The following WASL variants were observed in gnomAD, a reference collection of about 807,000 sequenced individuals.
The protein encoded by WASL is actin nucleation-promoting factor WASL.
WASL carries 20 observed loss-of-function variants against 55.5 expected under a neutral mutation model. The observed-to-expected ratio is 0.36, with a 90% CI of 0.25 to 0.52. The LOEUF is 0.52. Among genes scored for constraint, WASL ranks in the 20% least tolerant of loss-of-function variants. The pLI is 0.92. For missense variants in WASL, 504 were observed against 622.5 expected, an observed-to-expected ratio of 0.81 and a Z score of 2.03; for synonymous variants, 249 against 217.6, an observed-to-expected ratio of 1.14 and a Z score of -1.27.
chr7:123,734,591 T>TAAAAAAAAAA (rs71161498), intron 1 of WASL, among the ~76,000 whole-genome samples: 7 of 92,330 alleles, frequency 7.6e-5, no homozygotes, highest in Non-Finnish European at 1.0e-4. Flanking sequence ...ATAGAAAATG[T>TAAAAAAAAAA]AAAAAAAAAA....
At position 123,733,913 on chromosome 7, in the gene WASL, C is replaced by CAA. The variant is rs33913069; in HGVS notation, c.117+14703_117+14704dup. 4.6e-3 allele frequency among the ~76,000 whole-genome samples: 506 copies of CAA among 110,762 alleles called. 5 individuals carry two copies. Among genetic ancestry groups the CAA allele is most frequent in the African/African-American group, 0.015 (445 of 28,754 alleles). 72.7% of individuals were successfully genotyped at this position (110,762 alleles called of 152,430 possible). ...GGTAAAAAGCTAGACATCCACGTGC[C>CAA]AAAAAAAAAAAAAAAAAAAAATCAA... is the stretch of plus-strand genomic sequence containing the variant. On this transcript the variant is annotated intron_variant, in intron 1 of 10. Transcript: ENST00000223023.
chr7:123,700,817 A>G (rs1463593065), intron 5 of WASL, among the ~76,000 whole-genome samples: 2 of 152,212 alleles, frequency 1.3e-5, no homozygotes, highest in African/African-American at 4.8e-5. Flanking sequence ...AAATGTCATA[A>G]TACATTCTTT....
rs186956133 is a variant in WASL, at chr7:123,728,023, G to A, written c.118-18800C>T. Among the ~76,000 whole-genome samples, 62 of 152,244 alleles carry A rather than the reference G, an allele frequency of 4.1e-4. No homozygotes were observed. In the East Asian group the frequency reaches 0.01, roughly 25 times the overall value. On this transcript the variant is annotated intron_variant, in intron 1 of 10. Coordinates refer to ENST00000223023, the MANE Select transcript of WASL (RefSeq NM_003941.4). ...GAAATGTACCTCACTTTACAAGGGA[G>A]ACAAGAAAGCTTAATTGTAAAATAT...
At chr7:123,694,992 T>A in intron 7 of WASL, 124 bp from the exon 8 acceptor site, 2 of 903,764 alleles carry the variant, frequency 2.2e-6, no homozygotes, top group Non-Finnish European at 3.3e-6. Context: ...ATATTACTTA[T>A]GTGCTAACTA....
At position 123,692,788 on chromosome 7, in the gene WASL, A is replaced by G; in HGVS notation, c.906T>C (p.Pro302=). Residue 302 remains proline (P), a synonymous_variant, in exon 9 of 11, where the codon CCT becomes CCC. Coordinates refer to ENST00000223023, the MANE Select transcript of WASL (RefSeq NM_003941.4). ...PPPHNSGPPP[P]PARGRGAPPP... ...GAGGAGCGCCTCTTCCCCTAGCAGG[A>G]GGAGGAGGAGGACCTGAGTTGTGTG... The G allele has an allele frequency of 2.0e-6, 3 of 1,471,414 alleles. No individual in the cohort carries two copies. Among genetic ancestry groups the G allele is most frequent in the African/African-American group, 1.4e-5 (1 of 70,602 alleles). 91.1% of individuals were successfully genotyped at this position (1,471,414 alleles called of 1,614,324 possible). A position where few individuals can be genotyped will look rare whatever the true frequency, so the allele number is the denominator to read the frequency against.
chr7:123,734,041 A>C (rs552598397), intron 1 of WASL, among the ~76,000 whole-genome samples: 1 of 152,298 alleles, frequency 6.6e-6, no homozygotes, highest in African/African-American at 2.4e-5. Context: ...GAGAACATAA[A>C]ACAAAACCTG....
At chr7:123,692,006 A>G (rs1434754761) in intron 9 of WASL, among the ~76,000 whole-genome samples, 2 of 152,208 alleles carry the variant, frequency 1.3e-5, no homozygotes, top group African/African-American at 4.8e-5. Flanking sequence ...TTCCATTCAC[A>G]TGAAGTTCTA....
At chr7:123,705,959 A>C (rs1361796477) in intron 4 of WASL, among the ~76,000 whole-genome samples, 2 of 152,184 alleles carry the variant, frequency 1.3e-5, no homozygotes, top group Non-Finnish European at 2.9e-5. Flanking sequence ...TCAACAAAAA[A>C]GGTTATTGTA....
intron 10 of WASL, 56 bp downstream of exon 10, chr7:123,688,984 AAC>A: frequency 7.2e-7 from 1 of 1,396,354 alleles, no homozygotes; most frequent in Non-Finnish European, 1.0e-6. Flanking sequence ...AAATTTATTA[AAC>A]ACACACGCAC....
At chr7:123,727,384 A>ACACACAC (rs1584870324) in intron 1 of WASL, among the ~76,000 whole-genome samples, 1 of 83,332 alleles carries the variant, frequency 1.2e-5, no homozygotes, top group Non-Finnish European at 2.5e-5. Flanking sequence ...CACACACACA[A>ACACACAC]ACTTATACAA....
chr7:123,695,485 GA>G (rs1803476229), intron 7 of WASL, among the ~76,000 whole-genome samples: 1 of 152,096 alleles, frequency 6.6e-6, no homozygotes, highest in Non-Finnish European at 1.5e-5. Flanking sequence ...TGAATATTCA[GA>G]ATTTGATTAT....
chr7:123,732,472 C>T (rs1043856378), intron 1 of WASL, among the ~76,000 whole-genome samples: 3 of 152,112 alleles, frequency 2.0e-5, no homozygotes, highest in African/African-American at 7.2e-5. Context: ...TGGGCCAATT[C>T]CTGGAAAGAC....
At chr7:123,703,606 A>G (rs1803623350) in intron 5 of WASL, among the ~76,000 whole-genome samples, 1 of 152,208 alleles carries the variant, frequency 6.6e-6, no homozygotes, top group African/African-American at 2.4e-5. Context: ...AAAAATTAAT[A>G]ATAAGGTAAA....
At chr7:123,727,521 T>C (rs1317916619) in intron 1 of WASL, among the ~76,000 whole-genome samples, 2 of 152,036 alleles carry the variant, frequency 1.3e-5, no homozygotes, top group Admixed American at 6.5e-5. Context: ...AAAAAAAGAA[T>C]GAACATGTGT....
intron 1 of WASL, among the ~76,000 whole-genome samples, chr7:123,739,912 G>GTATA (rs1198007262): frequency 1.1e-4 from 4 of 34,846 alleles, no homozygotes; most frequent in Admixed American, 2.5e-4. Context: ...GTGTGTGTGT[G>GTATA]TGTATATATA....
At chr7:123,716,278 C>T (rs563430836) in intron 1 of WASL, among the ~76,000 whole-genome samples, 39 of 152,170 alleles carry the variant, frequency 2.6e-4, no homozygotes, top group African/African-American at 7.5e-4. Context: ...TGCAATGGCA[C>T]GATCTTGGCT....
At position 123,739,914 on chromosome 7, in the gene WASL, G is replaced by GTA. The variant is rs201098513; in HGVS notation, c.117+8702_117+8703dup. Among the ~76,000 whole-genome samples, 148 of 33,086 alleles carry GTA rather than the reference G, an allele frequency of 4.5e-3. 1 individual carries two copies. Among genetic ancestry groups the GTA allele is most frequent in the South Asian group, 0.018 (6 of 336 alleles). 21.7% of individuals were successfully genotyped at this position (33,086 alleles called of 152,430 possible). ...TGTGTGTGTGTGTGTGTGTGTGTGT[G>GTA]TATATATATATATATATGCTGGTTT... On this transcript the variant is annotated intron_variant, in intron 1 of 10. Coordinates refer to ENST00000223023, the MANE Select transcript of WASL (RefSeq NM_003941.4).
chr7:123,691,005 C>T (rs1464693666), intron 9 of WASL, among the ~76,000 whole-genome samples: 2 of 152,020 alleles, frequency 1.3e-5, no homozygotes, highest in Non-Finnish European at 2.9e-5. Flanking sequence ...GATGACTGTT[C>T]ATAGGTTTAA....
chr7:123,739,559 T>C (rs543946244), intron 1 of WASL, among the ~76,000 whole-genome samples: 7 of 152,338 alleles, frequency 4.6e-5, no homozygotes, highest in African/African-American at 7.2e-5. Context: ...CACTTTATTA[T>C]AAAATGGGCT....
Sources: gnomAD v4.1 joint callset for allele counts (sites outside exome capture counted in the v4.1 genomes callset) on GRCh38, gnomAD v4.1.1 for gene constraint, MANE v1.5 for transcripts, NCBI Gene and HGNC (gene_info 2026-07-23, HGNC 2026-07-21) for gene names.